CATSPERE: variants seen among roughly 807,000 people sequenced by gnomAD.
CATSPERE encodes catsper channel auxiliary subunit epsilon, also known as cation channel sperm-associated auxiliary subunit epsilon.
A neutral mutation model predicts 114.1 loss-of-function variants in CATSPERE; 93 were observed. That is an observed-to-expected ratio of 0.81 (90% confidence interval 0.69 to 0.97). The LOEUF is 0.97. Among genes scored for constraint, CATSPERE ranks in the 50% least tolerant of loss-of-function variants. The probability of loss-of-function intolerance (pLI) is 0.00; values close to 1 mark genes in which losing one functional copy is unlikely to be tolerated. For missense variants in CATSPERE, 1,058 were observed against 1,131.6 expected (o/e 0.93, Z 0.93); for synonymous variants, 341 against 384.1 (o/e 0.89, Z 1.31).
chr1:244,514,828 CAAAAAAAAA>C (rs371207477), intron 7 of CATSPERE, among the ~76,000 whole-genome samples: 1 of 42,426 alleles, frequency 2.4e-5, no homozygotes, highest in Non-Finnish European at 4.8e-5. Flanking sequence ...GACTCCATCT[CAAAAAAAAA>C]AAAAAAAAAA....
intron 7 of CATSPERE, among the ~76,000 whole-genome samples, chr1:244,503,467 A>G (rs1674371670): frequency 6.6e-6 from 1 of 152,194 alleles, no homozygotes; most frequent in African/African-American, 2.4e-5. Flanking sequence ...TATTAGACCC[A>G]TCTGATTCAT....
At chr1:244,522,573 T>C (rs890469485) in intron 8 of CATSPERE, among the ~76,000 whole-genome samples, 2 of 151,758 alleles carry the variant, frequency 1.3e-5, no homozygotes, top group Admixed American at 6.6e-5. Context: ...ATCAACAAAA[T>C]TGATAGACCA....
chr1:244,577,355 G>T (rs1665435190), intron 11 of CATSPERE, among the ~76,000 whole-genome samples: 1 of 152,058 alleles, frequency 6.6e-6, no homozygotes, highest in Non-Finnish European at 1.5e-5. Context: ...CATGGATTTA[G>T]ATTTACATGC....
chr1:244,602,086 A>T (rs1285503978), intron 17 of CATSPERE, among the ~76,000 whole-genome samples: 7 of 151,966 alleles, frequency 4.6e-5, no homozygotes, highest in Admixed American at 4.6e-4. Flanking sequence ...GGGATGGGAG[A>T]GGGTGAGGTG....
chr1:244,539,508 C>T (rs1015800057), intron 8 of CATSPERE, among the ~76,000 whole-genome samples: 5 of 111,502 alleles, frequency 4.5e-5, no homozygotes, highest in Admixed American at 2.2e-4. Flanking sequence ...AGGGAGGATT[C>T]TCTCTTTTTC....
intron 8 of CATSPERE, among the ~76,000 whole-genome samples, chr1:244,538,795 A>C (rs182158589): frequency 6.8e-4 from 103 of 152,250 alleles, no homozygotes; most frequent in Non-Finnish European, 4.1e-4. Context: ...CTCACCCCAC[A>C]GGACACATTG....
chr1:244,528,825 A>ACACACT (rs1471635883), intron 8 of CATSPERE, among the ~76,000 whole-genome samples: 3 of 147,282 alleles, frequency 2.0e-5, no homozygotes, highest in African/African-American at 7.5e-5. Flanking sequence ...ACACACACAC[A>ACACACT]CTCTACTCTT....
At chr1:244,531,517 T>A (rs57476709) in intron 8 of CATSPERE, among the ~76,000 whole-genome samples, 18,302 of 151,914 alleles carry the variant, frequency 0.12, 1,819 homozygotes, top group African/African-American at 0.28. Flanking sequence ...ACCCAGTTTT[T>A]AAAATTTTTT....
At chr1:244,624,013 G>A (rs1672743250) in intron 20 of CATSPERE, among the ~76,000 whole-genome samples, 1 of 152,008 alleles carries the variant, frequency 6.6e-6, no homozygotes, top group African/African-American at 2.4e-5. Flanking sequence ...CCAGGCTGGA[G>A]TGCAGTGGCG....
chr1:244,545,044 A>C (rs947087063), intron 8 of CATSPERE, among the ~76,000 whole-genome samples: 1 of 152,186 alleles, frequency 6.6e-6, no homozygotes, highest in Non-Finnish European at 1.5e-5. Flanking sequence ...CTTTCATAAG[A>C]TATCACACTG....
intron 13 of CATSPERE, among the ~76,000 whole-genome samples, chr1:244,584,430 T>G (rs891407821): frequency 2.0e-5 from 3 of 151,936 alleles, no homozygotes; most frequent in African/African-American, 7.3e-5. Flanking sequence ...CGACCAGTGA[T>G]GAATAGGTAG....
intron 20 of CATSPERE, among the ~76,000 whole-genome samples, chr1:244,622,693 G>A (rs10465638): frequency 0.21 from 32,117 of 152,022 alleles, 3,843 homozygotes; most frequent in African/African-American, 0.32. Context: ...AAGTGAAATC[G>A]TGAAATTCCA....
At chr1:244,523,647 T>C (rs1338685926) in intron 8 of CATSPERE, among the ~76,000 whole-genome samples, 1 of 138,702 alleles carries the variant, frequency 7.2e-6, no homozygotes, top group Non-Finnish European at 1.5e-5. Context: ...AGTCTCAGGA[T>C]ACAAAATCAA....
chr1:244,578,049 G>T (rs780666689), intron 11 of CATSPERE, among the ~76,000 whole-genome samples: 3 of 152,214 alleles, frequency 2.0e-5, no homozygotes, highest in Non-Finnish European at 4.4e-5. Context: ...TTCTTTCCAA[G>T]AATTTGATTA....
chr1:244,606,008 AT>A (rs1669944341), intron 18 of CATSPERE, among the ~76,000 whole-genome samples: 1 of 152,196 alleles, frequency 6.6e-6, no homozygotes, highest in Non-Finnish European at 1.5e-5. Flanking sequence ...CAGAAAAAAA[AT>A]AACATTTATA....
intron 8 of CATSPERE, among the ~76,000 whole-genome samples, chr1:244,525,534 G>A (rs564703003): frequency 3.9e-5 from 6 of 152,078 alleles, no homozygotes; most frequent in South Asian, 2.1e-4. Context: ...AGTCATTGGT[G>A]AGGATACGCA....
chr1:244,534,204 C>A (rs574553901), intron 8 of CATSPERE, among the ~76,000 whole-genome samples: 23 of 152,224 alleles, frequency 1.5e-4, no homozygotes, highest in Admixed American at 7.2e-4. Flanking sequence ...TTATCCTTCA[C>A]CTTTATAGTA....
At chr1:244,576,247 C>G (rs960407037) in intron 11 of CATSPERE, among the ~76,000 whole-genome samples, 1 of 151,914 alleles carries the variant, frequency 6.6e-6, no homozygotes, top group South Asian at 2.1e-4. Context: ...ACCCCTGAGG[C>G]CACTGCAGTG....
At chr1:244,571,500 A>G (rs182488685) in intron 10 of CATSPERE, among the ~76,000 whole-genome samples, 2 of 152,320 alleles carry the variant, frequency 1.3e-5, no homozygotes, top group African/African-American at 4.8e-5. Context: ...ACTATGACCC[A>G]CTGTGACTTA....
Sources: allele counts gnomAD v4.1 joint callset (sites outside exome capture counted in the v4.1 genomes callset), GRCh38; gene constraint gnomAD v4.1.1; transcripts MANE v1.5; gene names NCBI Gene and HGNC (gene_info 2026-07-23, HGNC 2026-07-21).